CYP3A4: variants seen among roughly 807,000 people sequenced by gnomAD.
The protein encoded by CYP3A4 is cytochrome P450 3A4.
CYP3A4 carries 41 observed loss-of-function variants against 54.9 expected under a neutral mutation model. The ratio of observed to expected loss-of-function variants is 0.75; its 90% CI spans 0.58 to 0.97. CYP3A4 has a LOEUF of 0.97. Ranked by LOEUF, CYP3A4 falls within the 50% of genes least tolerant of loss-of-function variation. The pLI is 0.00. For missense variants in CYP3A4, 510 were observed against 597.3 expected (o/e 0.85, Z 1.52); for synonymous variants, 179 against 205.2 (o/e 0.87, Z 1.09).
chr7:99,772,490 C>T, intron 4 of CYP3A4, 100 bp downstream of exon 4: 1 of 1,498,506 alleles, frequency 6.7e-7, no homozygotes, highest in Non-Finnish European at 9.1e-7. Flanking sequence ...GACGTGGAAC[C>T]TTCCTGGACA....
intron 8 of CYP3A4, chr7:99,766,872 T>C: frequency 2.6e-6 from 1 of 385,184 alleles, no homozygotes; most frequent in Non-Finnish European, 4.7e-6. Context: ...TTTATCTCAA[T>C]AAAATTTATG....
chr7:99,761,106 G>T, intron 11 of CYP3A4, 125 bp from the exon 12 acceptor site: 1 of 1,088,332 alleles, frequency 9.2e-7, no homozygotes, highest in Non-Finnish European at 1.3e-6. Context: ...TTGTGGGCTG[G>T]TCATTGAAAT....
At chr7:99,761,366 G>A (rs147712707) in intron 11 of CYP3A4, among the ~76,000 whole-genome samples, 31 of 152,284 alleles carry the variant, frequency 2.0e-4, no homozygotes, top group Non-Finnish European at 3.7e-4. Flanking sequence ...TGAGGAAGGA[G>A]AAGGGGAAAT....
At chr7:99,776,157 C>G (rs1431742789) in intron 3 of CYP3A4, among the ~76,000 whole-genome samples, 14 of 152,002 alleles carry the variant, frequency 9.2e-5, no homozygotes, top group East Asian at 7.7e-4. Flanking sequence ...CCATCTCATG[C>G]CAGGTAGTAT....
At chr7:99,766,660 G>A in intron 8 of CYP3A4, 1 of 596,976 alleles carries the variant, frequency 1.7e-6, no homozygotes, top group Non-Finnish European at 2.9e-6. Flanking sequence ...ATGTGAGATG[G>A]CTCAAATTTA....
chr7:99,767,362 A>G, intron 7 of CYP3A4, 104 bp from the exon 8 acceptor site: 2 of 1,045,586 alleles, frequency 1.9e-6, no homozygotes, highest in Non-Finnish European at 2.7e-6. Flanking sequence ...AGAGTAAAAG[A>G]CATCAAGGTT....
intron 8 of CYP3A4, chr7:99,766,755 C>CTT: frequency 2.5e-6 from 1 of 403,394 alleles, no homozygotes; most frequent in Non-Finnish European, 4.4e-6. Flanking sequence ...TGAAATGAGT[C>CTT]TTTACCAATT....
In CYP3A4 at chr7:99,779,095, T is replaced by A. The variant is rs149879487; in HGVS notation, c.165+897A>T. On this transcript the variant is annotated intron_variant, in intron 2 of 12. Coordinates refer to ENST00000651514, the MANE Select transcript of CYP3A4 (RefSeq NM_017460.6). The stretch of plus-strand genomic sequence containing the variant: ...CCCTGGGCAGAGCATCAGACTAGGT[T>A]AGGCACAAAGGCTCGGCCAAAGTTC... 2.7e-3 allele frequency among the ~76,000 whole-genome samples: 410 copies of A among 152,282 alleles called. 1 individual carries two copies. Among genetic ancestry groups the A allele is most frequent in the African/African-American group, 9.3e-3 (387 of 41,552 alleles).
At chr7:99,769,356 C>T (rs1815568239) in intron 6 of CYP3A4, among the ~76,000 whole-genome samples, 2 of 152,110 alleles carry the variant, frequency 1.3e-5, no homozygotes, top group South Asian at 4.1e-4. Flanking sequence ...ATGAAATGAT[C>T]AAAGTTATTC....
At chr7:99,778,570 T>C (rs926518770) in intron 2 of CYP3A4, among the ~76,000 whole-genome samples, 2 of 152,220 alleles carry the variant, frequency 1.3e-5, no homozygotes, top group African/African-American at 4.8e-5. Context: ...GGAACTCCTT[T>C]AGTCTAGCAG....
intron 8 of CYP3A4, 71 bp from the exon 9 acceptor site, chr7:99,766,514 T>C: frequency 6.3e-7 from 1 of 1,581,516 alleles, no homozygotes; most frequent in Non-Finnish European, 8.7e-7. Context: ...ACAAGCGTGG[T>C]CCTTGATCTC....
rs115106387 is a variant in CYP3A4, at chr7:99,781,837, C to G, written c.72-1752G>C. On this transcript the variant is annotated intron_variant, in intron 1 of 12. Coordinates refer to ENST00000651514, the MANE Select transcript of CYP3A4 (RefSeq NM_017460.6). ...ATAAGTAAACATAAAATGTTCCAGA[C>G]AGTTGAATTAAAACCTTGTTTTCTC... Among the ~76,000 whole-genome samples the G allele has an allele frequency of 8.9e-3, 1,349 of 152,330 alleles. 23 individuals carry two copies. The highest frequency in any genetic ancestry group is 0.031 in the African/African-American group (1,285 of 41,576).
intron 1 of CYP3A4, among the ~76,000 whole-genome samples, chr7:99,780,455 G>A (rs1225505578): frequency 1.3e-5 from 2 of 152,158 alleles, no homozygotes; most frequent in Non-Finnish European, 2.9e-5. Flanking sequence ...CAAATTTGGG[G>A]ATTCTCATCC....
At chr7:99,763,016 A>G (rs1208202813) in intron 10 of CYP3A4, among the ~76,000 whole-genome samples, 1 of 152,240 alleles carries the variant, frequency 6.6e-6, no homozygotes, top group Admixed American at 6.5e-5. Context: ...GGAAGGCAAT[A>G]TGATAGTGTT....
In CYP3A4 at chr7:99,760,947, A is replaced by G; in HGVS notation, c.1288T>C (p.Tyr430His). ...CCACTTCCAAAGGGTGTGTATATGT[A>G]AGGATCTATGTTGTCCTTGTTCTTC... Reference protein sequence around the residue: ...SKKNKDNIDPYIYTPFGSGPR... With the variant: ...SKKNKDNIDPHIYTPFGSGPR... The change falls in exon 12 of 13, where the codon TAC becomes CAC. Residue 430 changes from tyrosine to histidine, a missense_variant. Tyr to His is a moderately conservative substitution (Grantham distance 83). Transcript: ENST00000651514. 6.2e-7 allele frequency: 1 copy of G among 1,614,020 alleles called. No individual in the cohort carries two copies.
chr7:99,761,957 A>T, intron 11 of CYP3A4, 84 bp downstream of exon 11: 2 of 1,191,246 alleles, frequency 1.7e-6, no homozygotes, highest in Non-Finnish European at 2.5e-6. Flanking sequence ...ATACAACCAC[A>T]TGACTGTCCT....
At position 99,765,970 on chromosome 7, in the gene CYP3A4, GT is replaced by G. The variant is rs1815467484; in HGVS notation, c.865+406del. 2.6e-5 allele frequency among the ~76,000 whole-genome samples: 4 copies of G among 152,036 alleles called. No individual in the cohort carries two copies. In the South Asian group the frequency reaches 8.3e-4, roughly 32 times the overall value. On this transcript the variant is annotated intron_variant, in intron 9 of 12. Coordinates refer to ENST00000651514, the MANE Select transcript of CYP3A4 (RefSeq NM_017460.6). ...TTAGGTAGCTGCAAAAGTTATTGTG[GT>G]TTTTGCCATTACTTTTAATTGCATT...
intron 8 of CYP3A4, chr7:99,766,761 C>G: frequency 2.5e-6 from 1 of 393,526 alleles, no homozygotes; most frequent in Non-Finnish European, 4.6e-6. Flanking sequence ...GAGTCTTTAC[C>G]AATTTATGAT....
intron 3 of CYP3A4, among the ~76,000 whole-genome samples, chr7:99,774,254 AC>A (rs1278708181): frequency 6.6e-6 from 1 of 152,224 alleles, no homozygotes; most frequent in African/African-American, 2.4e-5. Context: ...GCTGAATTCT[AC>A]CAGAGATACA....
Sources: allele counts gnomAD v4.1 joint callset (sites outside exome capture counted in the v4.1 genomes callset), GRCh38; gene constraint gnomAD v4.1.1; transcripts MANE v1.5; gene names NCBI Gene and HGNC (gene_info 2026-07-23, HGNC 2026-07-21).